Variants in VPS13C observed in about 807,000 individuals in gnomAD.
VPS13C encodes intermembrane lipid transfer protein VPS13C.
Under a neutral mutation model 456.8 loss-of-function variants are expected in VPS13C, and 358 were observed. The ratio of observed to expected loss-of-function variants is 0.78; its 90% CI spans 0.72 to 0.86. The LOEUF is 0.86. Ranked by LOEUF, VPS13C falls within the 40% of genes least tolerant of loss-of-function variation. The pLI is 0.00. For synonymous variants in VPS13C, 1,578 were observed against 1,486.7 expected, an observed-to-expected ratio of 1.06 and a Z score of -1.41; for missense variants, 4,818 against 4,385.4, an observed-to-expected ratio of 1.10 and a Z score of -2.79.
In VPS13C at chr15:61,969,392, T is replaced by G; in HGVS notation, c.2818A>C (p.Thr940Pro). 1 of 1,592,262 alleles carries G rather than the reference T, an allele frequency of 6.3e-7. No homozygotes were observed. The highest frequency in any genetic ancestry group is 8.6e-7 in the Non-Finnish European group (1 of 1,168,190). Residue 940 changes from threonine (T) to proline (P), a missense_variant, in exon 28 of 85, where the codon ACT (threonine) becomes CCT (proline). This residue lies in a region of VPS13C where 4,552 missense variants were observed against 4,130.6 expected (regional missense o/e 1.10). Transcript: ENST00000644861. The stretch of plus-strand genomic sequence containing the variant: ...ATTGTGGCCTCTGTTCCTAACTGAG[T>G]AACATTAAATACTAGAATTGTATCT... ...EEDTILVFNV[T>P]QLGTEATMRT...
chr15:62,006,178 T>C (rs1440002826), intron 15 of VPS13C, among the ~76,000 whole-genome samples: 11 of 151,984 alleles, frequency 7.2e-5, no homozygotes, highest in Non-Finnish European at 1.5e-5. Context: ...TATGTATACA[T>C]GTGCCATGTT....
chr15:62,049,787 G>C (rs1228323099), intron 1 of VPS13C, among the ~76,000 whole-genome samples: 1 of 152,076 alleles, frequency 6.6e-6, no homozygotes, highest in African/African-American at 2.4e-5. Context: ...TTGAGCAGTG[G>C]TTTGTAGTTC....
At chr15:61,892,281 G>A (rs2042675750) in intron 66 of VPS13C, among the ~76,000 whole-genome samples, 1 of 152,164 alleles carries the variant, frequency 6.6e-6, no homozygotes, top group African/African-American at 2.4e-5. Context: ...ACAACACTGT[G>A]GGAGGCACAG....
intron 14 of VPS13C, 121 bp from the exon 15 acceptor site, chr15:62,007,600 T>C (rs528690065): frequency 3.7e-6 from 3 of 800,384 alleles, no homozygotes; most frequent in East Asian, 3.0e-5. Context: ...TGTCTTCCTA[T>C]AAGAGCTCAG....
chr15:62,010,373 C>T (rs930085882), intron 13 of VPS13C, 99 bp downstream of exon 13: 1 of 1,288,942 alleles, frequency 7.8e-7, no homozygotes, highest in African/African-American at 1.5e-5. Context: ...ACATAACAAA[C>T]CCCAAAAAAC....
intron 37 of VPS13C, 76 bp downstream of exon 37, chr15:61,958,529 CTTT>C (rs1345748343): frequency 3.7e-6 from 3 of 805,432 alleles, no homozygotes; most frequent in Non-Finnish European, 5.9e-6. Flanking sequence ...TATTTGTTTA[CTTT>C]TTATTTGCTG....
At chr15:61,977,632 C>A (rs1417115775) in intron 23 of VPS13C, among the ~76,000 whole-genome samples, 1 of 151,934 alleles carries the variant, frequency 6.6e-6, no homozygotes, top group Non-Finnish European at 1.5e-5. Flanking sequence ...GCATACAATT[C>A]CAAAGCAAAG....
Position 61,941,951 on chromosome 15 carries a change from C to G in VPS13C, c.5265G>C (p.Leu1755Phe). The G allele has an allele frequency of 6.2e-7, 1 of 1,613,940 alleles. No individual in the cohort carries two copies. Among genetic ancestry groups the G allele is most frequent in the Non-Finnish European group, 8.5e-7 (1 of 1,179,918 alleles). The change falls in exon 46 of 85, where the codon TTG becomes TTC. Residue 1755 changes from leucine (L) to phenylalanine (F), a missense_variant. Physicochemically the swap from Leu to Phe is conservative, Grantham distance 22. Around this residue, in one of 3 missense-constraint regions of VPS13C, gnomAD observed 4,552 missense variants for 4,130.6 expected, o/e 1.10. Coordinates refer to ENST00000644861, the MANE Select transcript of VPS13C (RefSeq NM_020821.3). The part of the protein sequence containing the change: ...KDLAQKSFRL[L>F]MDINLKAPVI... The stretch of plus-strand genomic sequence containing the variant: ...CTGGTGCTTTCAAATTAATATCCAT[C>G]AAAAGGCGGAAACTCTTTTGAGCCA...
chr15:62,048,376 A>G (rs2048499920), intron 1 of VPS13C, among the ~76,000 whole-genome samples: 1 of 150,248 alleles, frequency 6.7e-6, no homozygotes, highest in Non-Finnish European at 1.5e-5. Context: ...TCCTTGCGAT[A>G]GTTTACTGAG....
rs999571072 is a variant in VPS13C at position 61,884,134 on chromosome 15, A to G, written c.9477T>C (p.Asn3159=). ...RDHGWIKLDN[N]FEVNFDKDPM... ...CAAAAGAATTTTGGTATACCTCAAA[A>G]TTATTATCTAGCTTAATCCAGCCAT... Residue 3159 remains asparagine, a synonymous_variant, in exon 68 of 85, where the codon AAT becomes AAC. Transcript: ENST00000644861. 4 of 1,581,850 alleles carry G rather than the reference A, an allele frequency of 2.5e-6. No individual in the cohort carries two copies. In the African/African-American group the frequency reaches 5.5e-5, roughly 22 times the overall value.
At chr15:61,956,932 G>A (rs1488305497) in intron 37 of VPS13C, among the ~76,000 whole-genome samples, 1 of 151,944 alleles carries the variant, frequency 6.6e-6, no homozygotes, top group Non-Finnish European at 1.5e-5. Flanking sequence ...TCTCACATAT[G>A]ACCCAGTAAT....
chr15:61,887,872 A>G (rs575823847), intron 67 of VPS13C, among the ~76,000 whole-genome samples: 70 of 152,272 alleles, frequency 4.6e-4, no homozygotes, highest in Middle Eastern at 3.4e-3. Flanking sequence ...GTAAAATATA[A>G]AACTTCTGCT....
chr15:61,936,352 G>C (rs559851020), intron 48 of VPS13C, among the ~76,000 whole-genome samples: 24 of 152,212 alleles, frequency 1.6e-4, no homozygotes, highest in African/African-American at 5.8e-4. Context: ...TCAGTGCCTA[G>C]TGAATTCAGC....
intron 16 of VPS13C, among the ~76,000 whole-genome samples, chr15:61,993,051 A>G (rs2140427427): frequency 6.6e-6 from 1 of 152,282 alleles, no homozygotes; most frequent in Middle Eastern, 3.4e-3. Context: ...AATTAAATGT[A>G]TATCATCTGA....
At position 62,008,745 on chromosome 15, in the gene VPS13C, T is replaced by A. The variant is rs1269318358; in HGVS notation, c.1028A>T (p.Asp343Val). The A allele has an allele frequency of 6.2e-7, 1 of 1,600,414 alleles. No homozygotes were observed. Among genetic ancestry groups the A allele is most frequent in the Non-Finnish European group, 8.5e-7 (1 of 1,172,730 alleles). ...CATATAATCCACTGACTCCAAAAGGTCAATCATACTTAAGTACTGTTAAAA... is the reference window on the plus strand; with the variant it reads ...CATATAATCCACTGACTCCAAAAGGACAATCATACTTAAGTACTGTTAAAA... ...LTKPQYLSMI[D>V]LLESVDYMVR... is the part of the protein sequence containing the mutation. Residue 343 changes from aspartate (D) to valine (V), a missense_variant, in exon 14 of 85, where the codon GAC (aspartate) becomes GTC (valine). Asp to Val is a radical substitution (Grantham distance 152, BLOSUM62 -3). Transcript: ENST00000644861.
chr15:61,896,712 C>G (rs1484871131), intron 66 of VPS13C, among the ~76,000 whole-genome samples: 2 of 152,242 alleles, frequency 1.3e-5, no homozygotes, highest in African/African-American at 2.4e-5. Context: ...CTTAGGTAAA[C>G]AAAGCAGCTG....
At chr15:61,896,390 G>T (rs1328564381) in intron 66 of VPS13C, among the ~76,000 whole-genome samples, 1 of 152,194 alleles carries the variant, frequency 6.6e-6, no homozygotes, top group African/African-American at 2.4e-5. Context: ...GTCAGTGGGT[G>T]CACGCATGGT....
intron 1 of VPS13C, among the ~76,000 whole-genome samples, chr15:62,049,495 G>C (rs1215364124): frequency 6.6e-6 from 1 of 152,148 alleles, no homozygotes; most frequent in African/African-American, 2.4e-5. Context: ...ATGCTGTTTT[G>C]GTTACTGTAG....
intron 37 of VPS13C, among the ~76,000 whole-genome samples, chr15:61,955,226 T>C (rs1186947186): frequency 2.6e-5 from 4 of 152,206 alleles, no homozygotes; most frequent in African/African-American, 9.6e-5. Context: ...AAGGTCTGTA[T>C]ATGGACTGTT....
Sources: allele counts gnomAD v4.1 joint callset (sites outside exome capture counted in the v4.1 genomes callset), GRCh38; gene constraint gnomAD v4.1.1; regional missense constraint gnomAD v4.1.1; transcripts MANE v1.5; gene names NCBI Gene and HGNC (gene_info 2026-07-23, HGNC 2026-07-21).